Variants in GUCY1A2 observed in about 807,000 individuals in gnomAD.
GUCY1A2 encodes the protein guanylate cyclase soluble subunit alpha-2.
A neutral mutation model predicts 63.5 loss-of-function variants in GUCY1A2; 27 were observed. The observed-to-expected ratio is 0.43, with a 90% CI of 0.31 to 0.59. GUCY1A2 has a LOEUF of 0.59. Among genes scored for constraint, GUCY1A2 ranks in the 20% least tolerant of loss-of-function variants. The pLI, the probability that GUCY1A2 is intolerant of heterozygous loss-of-function variation, is 0.11. For synonymous variants in GUCY1A2, 364 were observed against 343.5 expected, an observed-to-expected ratio of 1.06 and a Z score of -0.66; for missense variants, 768 against 913.3, an observed-to-expected ratio of 0.84 and a Z score of 2.05.
At chr11:106,969,450 C>T (rs1269682561) in intron 3 of GUCY1A2, among the ~76,000 whole-genome samples, 1 of 152,006 alleles carries the variant, frequency 6.6e-6, no homozygotes, top group Non-Finnish European at 1.5e-5. Flanking sequence ...AAAACATCAG[C>T]CTCATGAATG....
chr11:107,004,438 C>CA (rs1291574654), intron 1 of GUCY1A2, among the ~76,000 whole-genome samples: 1 of 152,114 alleles, frequency 6.6e-6, no homozygotes, highest in Non-Finnish European at 1.5e-5. Flanking sequence ...TCCTTCTCCC[C>CA]TCCCCCATGA....
At chr11:106,798,702 C>T (rs1237054567) in intron 5 of GUCY1A2, among the ~76,000 whole-genome samples, 1 of 152,020 alleles carries the variant, frequency 6.6e-6, no homozygotes, top group African/African-American at 2.4e-5. Flanking sequence ...AGGCCTTTGA[C>T]AAAATTCAAC....
At chr11:106,990,454 TC>T (rs1484747021) in intron 1 of GUCY1A2, among the ~76,000 whole-genome samples, 1 of 152,174 alleles carries the variant, frequency 6.6e-6, no homozygotes, top group Non-Finnish European at 1.5e-5. Context: ...GAGGAAGCAG[TC>T]CCCAGCAGCT....
intron 4 of GUCY1A2, among the ~76,000 whole-genome samples, chr11:106,839,715 T>C (rs556118663): frequency 2.6e-4 from 39 of 151,704 alleles, no homozygotes; most frequent in Non-Finnish European, 4.7e-4. Context: ...TGTAGGGACA[T>C]GGATAAAGCT....
In GUCY1A2 at chr11:106,922,499, ATT is replaced by A. The variant is rs1301747983; in HGVS notation, c.1206+16959_1206+16960del. ...TATATATTTGTATATAAATACATATATTTGTTTATATGCCTCTCTTATTAAAT... is the reference window on the plus strand; with the variant it reads ...TATATATTTGTATATAAATACATATATGTTTATATGCCTCTCTTATTAAAT... On this transcript the variant is annotated intron_variant, in intron 4 of 7. Coordinates refer to ENST00000526355, the MANE Select transcript of GUCY1A2 (RefSeq NM_000855.3). 4.0e-5 allele frequency among the ~76,000 whole-genome samples: 6 copies of A among 150,776 alleles called. 1 individual carries two copies. The highest frequency in any genetic ancestry group is 1.5e-4 in the African/African-American group (6 of 41,168).
intron 4 of GUCY1A2, among the ~76,000 whole-genome samples, chr11:106,934,034 C>G (rs1404102919): frequency 6.6e-6 from 1 of 152,082 alleles, no homozygotes; most frequent in Middle Eastern, 3.2e-3. Context: ...AAGCCCAAAC[C>G]TCAGCATCAT....
At chr11:106,957,855 CTTTTTTTTTTTTTTTTTT>C (rs59519013) in intron 3 of GUCY1A2, among the ~76,000 whole-genome samples, 144 of 87,258 alleles carry the variant, frequency 1.7e-3, no homozygotes, top group African/African-American at 4.1e-3. Flanking sequence ...AAGGGACAAA[CTTTTTTTTTTTTTTTTTT>C]TTTTTTTTTT....
rs545099975 is a variant in GUCY1A2, at chr11:106,866,138, T to A, written c.1207-55660A>T. Among the ~76,000 whole-genome samples the A allele has an allele frequency of 3.3e-5, 5 of 152,104 alleles. No individual in the cohort carries two copies. The East Asian group carries it at 9.7e-4, about 29-fold the overall frequency. ...CAAAAAGAACTAGATCAGGAACATCTAGGAGCTACTTCTGGCTCTGGCAGT... is the reference window on the plus strand; with the variant it reads ...CAAAAAGAACTAGATCAGGAACATCAAGGAGCTACTTCTGGCTCTGGCAGT... On this transcript the variant is annotated intron_variant, in intron 4 of 7. Coordinates refer to ENST00000526355, the MANE Select transcript of GUCY1A2 (RefSeq NM_000855.3).
intron 7 of GUCY1A2, among the ~76,000 whole-genome samples, chr11:106,692,795 A>G (rs1006830270): frequency 6.6e-6 from 1 of 152,168 alleles, no homozygotes; most frequent in Non-Finnish European, 1.5e-5. Flanking sequence ...GGGAAACAAG[A>G]GAATTTTGAG....
chr11:106,946,731 T>C (rs1311722290), intron 3 of GUCY1A2, among the ~76,000 whole-genome samples: 1 of 152,144 alleles, frequency 6.6e-6, no homozygotes, highest in Non-Finnish European at 1.5e-5. Flanking sequence ...AGGAATTAAT[T>C]ACTAATGAGT....
At chr11:106,808,881 A>G (rs1007889129) in intron 5 of GUCY1A2, among the ~76,000 whole-genome samples, 15 of 152,298 alleles carry the variant, frequency 9.8e-5, no homozygotes, top group Admixed American at 5.2e-4. Context: ...ATATACCAAT[A>G]AATTATAAGG....
At chr11:106,871,492 A>G (rs1029594415) in intron 4 of GUCY1A2, among the ~76,000 whole-genome samples, 2 of 152,052 alleles carry the variant, frequency 1.3e-5, no homozygotes, top group Non-Finnish European at 2.9e-5. Context: ...TGCTGTCCCT[A>G]TGCTTTCAGA....
intron 5 of GUCY1A2, among the ~76,000 whole-genome samples, chr11:106,783,666 A>G (rs2135407546): frequency 6.6e-6 from 1 of 152,350 alleles, no homozygotes; most frequent in East Asian, 1.9e-4. Flanking sequence ...CCACTTGTCC[A>G]GAGGATCTAA....
intron 1 of GUCY1A2, among the ~76,000 whole-genome samples, chr11:106,988,473 T>A (rs1275415418): frequency 6.6e-6 from 1 of 152,192 alleles, no homozygotes; most frequent in African/African-American, 2.4e-5. Flanking sequence ...AAAGGACATT[T>A]TTTTTTCTGT....
chr11:106,799,870 T>C (rs2135418011), intron 5 of GUCY1A2, among the ~76,000 whole-genome samples: 1 of 152,120 alleles, frequency 6.6e-6, no homozygotes, highest in Admixed American at 6.5e-5. Flanking sequence ...GCTATGGCAA[T>C]AAAAGCCAAA....
intron 2 of GUCY1A2, 80 bp downstream of exon 2, chr11:106,985,990 A>G: frequency 1.2e-6 from 1 of 814,154 alleles, no homozygotes; most frequent in East Asian, 2.4e-5. Context: ...GGGTAGCAGA[A>G]AATCACATAC....
chr11:106,772,516 C>A (rs1864275517), intron 6 of GUCY1A2, among the ~76,000 whole-genome samples: 1 of 152,068 alleles, frequency 6.6e-6, no homozygotes, highest in Non-Finnish European at 1.5e-5. Context: ...AGTAAGGAAG[C>A]TAAAATTACT....
At chr11:106,917,878 G>A (rs1301478904) in intron 4 of GUCY1A2, among the ~76,000 whole-genome samples, 1 of 138,614 alleles carries the variant, frequency 7.2e-6, no homozygotes, top group South Asian at 2.7e-4. Flanking sequence ...CACCAACAAG[G>A]CACATGTATA....
intron 3 of GUCY1A2, among the ~76,000 whole-genome samples, chr11:106,948,001 C>T (rs1182347641): frequency 6.6e-6 from 1 of 151,772 alleles, no homozygotes; most frequent in Non-Finnish European, 1.5e-5. Context: ...CATATTAAGA[C>T]GAATTAGATA....
Sources: gnomAD v4.1 joint callset for allele counts (sites outside exome capture counted in the v4.1 genomes callset) on GRCh38, gnomAD v4.1.1 for gene constraint, MANE v1.5 for transcripts, NCBI Gene and HGNC (gene_info 2026-07-23, HGNC 2026-07-21) for gene names.